Variants in CEP192 observed in about 807,000 individuals in gnomAD.
The protein encoded by CEP192 is centrosomal protein of 192 kDa.
A neutral mutation model predicts 271.8 loss-of-function variants in CEP192; 151 were observed. That is an observed-to-expected ratio of 0.56 (90% confidence interval 0.49 to 0.64). CEP192 has a LOEUF of 0.64. Ranked by LOEUF, CEP192 falls within the 30% of genes least tolerant of loss-of-function variation. CEP192 has a pLI of 0.00. For synonymous variants in CEP192, 995 were observed against 1,076.5 expected (o/e 0.92, Z 1.48); for missense variants, 2,910 against 3,020.5 (o/e 0.96, Z 0.86).
chr18:13,102,935 A>G (rs1307531756), intron 38 of CEP192, among the ~76,000 whole-genome samples: 2 of 152,232 alleles, frequency 1.3e-5, no homozygotes, highest in African/African-American at 4.8e-5. Context: ...GATATGCCCA[A>G]GAGAGGCCCT....
chr18:13,118,178 C>T (rs944665177), intron 44 of CEP192, among the ~76,000 whole-genome samples: 1 of 152,162 alleles, frequency 6.6e-6, no homozygotes, highest in Non-Finnish European at 1.5e-5. Context: ...GGTTGAACCT[C>T]GAACTGGGTT....
intron 12 of CEP192, 123 bp downstream of exon 12, chr18:13,037,424 G>A: frequency 4.1e-6 from 2 of 492,538 alleles, no homozygotes; most frequent in Non-Finnish European, 3.6e-6. Flanking sequence ...TTTTTCTTAT[G>A]GCTAGACAAC....
chr18:13,078,010 C>T (rs780073594), intron 30 of CEP192, among the ~76,000 whole-genome samples: 3 of 152,104 alleles, frequency 2.0e-5, no homozygotes, highest in Non-Finnish European at 4.4e-5. Context: ...CAGGTATACA[C>T]GTGCCATGGT....
At position 13,096,263 on chromosome 18, in the gene CEP192, G is replaced by A. The variant is rs776814644; in HGVS notation, c.6513G>A (p.Ala2171=). 56 of 1,613,904 alleles carry A rather than the reference G, an allele frequency of 3.5e-5. No individual in the cohort carries two copies. The Middle Eastern group carries it at 4.9e-4, about 14-fold the overall frequency. ...RLLRFELCWP[A]HCLTVTPQHG... ...TGAGATTTGAGCTGTGCTGGCCAGC[G>A]CATTGCCTCACAGTCACGCCGCAGC... The change falls in exon 36 of 45, where the codon GCG becomes GCA. Residue 2171 remains alanine (A), a synonymous_variant. Transcript: ENST00000506447.
chr18:13,068,475 A>G, intron 24 of CEP192, 53 bp downstream of exon 24: 1 of 1,318,648 alleles, frequency 7.6e-7, no homozygotes, highest in Non-Finnish European at 1.1e-6. Context: ...TAGATAAACT[A>G]CAAATTTGAG....
At position 13,053,078 on chromosome 18, in the gene CEP192, G is replaced by C. The variant is rs757400070; in HGVS notation, c.3177G>C (p.Leu1059=). Reference sequence around the variant, plus strand: ...CTACCACAGCCACAGATGATGCCCTGGAGGACCGCAAGGTGGGCAGCCACT... The same window carrying C: ...CTACCACAGCCACAGATGATGCCCTCGAGGACCGCAAGGTGGGCAGCCACT... ...SYPTTATDDA[L]EDRKSDITSE... Residue 1059 remains leucine (L), a synonymous_variant, in exon 18 of 45, where the codon CTG becomes CTC. Transcript: ENST00000506447. The C allele has an allele frequency of 3.7e-6, 6 of 1,605,408 alleles. No individual in the cohort carries two copies. The highest frequency in any genetic ancestry group is 5.1e-6 in the Non-Finnish European group (6 of 1,175,772).
At chr18:13,104,848 G>A in intron 39 of CEP192, 136 bp from the exon 40 acceptor site, 1 of 672,634 alleles carries the variant, frequency 1.5e-6, no homozygotes. Flanking sequence ...CTCCCATTTT[G>A]GGAATACCTT....
intron 21 of CEP192, among the ~76,000 whole-genome samples, chr18:13,062,885 C>T (rs538036677): frequency 1.3e-5 from 2 of 152,296 alleles, no homozygotes; most frequent in African/African-American, 4.8e-5. Context: ...CAACCCCTAC[C>T]CTTCTGAGCC....
chr18:13,053,637 C>T (rs924265624), intron 18 of CEP192, among the ~76,000 whole-genome samples: 1 of 152,156 alleles, frequency 6.6e-6, no homozygotes, highest in Admixed American at 6.5e-5. Flanking sequence ...GTTTAAAATA[C>T]GGGAGTTTGA....
rs956764181 is a variant in CEP192 at position 13,089,464 on chromosome 18, TAC to T, written c.6004_6005del (p.His2002Ter). ...AAAATCTCTCCTGGCAGGGCCCTGTTACATAAACCAGAGATGATAAAACAGAT... is the reference window on the plus strand; with the variant it reads ...AAAATCTCTCCTGGCAGGGCCCTGTTATAAACCAGAGATGATAAAACAGAT... On this transcript the variant is annotated frameshift_variant, in exon 33 of 45. Coordinates refer to ENST00000506447, the MANE Select transcript of CEP192 (RefSeq NM_032142.4). LOFTEE classifies it high-confidence loss of function. 79 of 1,559,498 alleles carry T rather than the reference TAC, an allele frequency of 5.1e-5. No homozygotes were observed. The highest frequency in any genetic ancestry group is 6.8e-5 in the Non-Finnish European group (78 of 1,146,728).
At chr18:13,082,432 CTTTT>C (rs57663388) in intron 30 of CEP192, among the ~76,000 whole-genome samples, 32 of 49,940 alleles carry the variant, frequency 6.4e-4, no homozygotes, top group African/African-American at 1.3e-3. Context: ...GCAACCCCTG[CTTTT>C]TTTTTTTTTT....
chr18:13,075,136 C>T (rs755850257), intron 30 of CEP192, among the ~76,000 whole-genome samples: 4 of 152,144 alleles, frequency 2.6e-5, no homozygotes, highest in South Asian at 4.1e-4. Flanking sequence ...GCTCTGCCCT[C>T]GGGAATGGAT....
intron 40 of CEP192, among the ~76,000 whole-genome samples, chr18:13,108,142 A>T (rs1469851267): frequency 6.6e-6 from 1 of 152,198 alleles, no homozygotes; most frequent in Non-Finnish European, 1.5e-5. Context: ...CATGTATAAA[A>T]ATTAACTCAA....
intron 33 of CEP192, among the ~76,000 whole-genome samples, chr18:13,090,803 A>G (rs1249559012): frequency 6.6e-6 from 1 of 152,204 alleles, no homozygotes; most frequent in Non-Finnish European, 1.5e-5. Context: ...AATACGAGAT[A>G]AGCTGAACTG....
intron 11 of CEP192, 55 bp downstream of exon 11, chr18:13,030,663 A>G: frequency 7.1e-7 from 1 of 1,399,618 alleles, no homozygotes; most frequent in Non-Finnish European, 1.0e-6. Flanking sequence ...TGATCTTTCT[A>G]AGATTACTGT....
chr18:13,123,136 T>G (rs1331478899), intron 44 of CEP192, among the ~76,000 whole-genome samples: 1 of 152,212 alleles, frequency 6.6e-6, no homozygotes, highest in East Asian at 1.9e-4. Flanking sequence ...TTTATTATTT[T>G]TACTAATTCA....
In CEP192 at chr18:12,995,913, G is replaced by A. The variant is rs572374800; in HGVS notation, c.-4-3508G>A. ...CTTAGCATGTTTCAGGAACAGCAGG[G>A]AGGTTAGGATGACTGGAATGGAGTG... On this transcript the variant is annotated intron_variant, in intron 1 of 44. Transcript: ENST00000506447. Among the ~76,000 whole-genome samples the A allele has an allele frequency of 2.0e-5, 3 of 152,344 alleles. No homozygotes were observed. In the South Asian group the frequency reaches 6.2e-4, roughly 32 times the overall value.
At chr18:13,110,226 G>T (rs2040147556) in intron 40 of CEP192, among the ~76,000 whole-genome samples, 1 of 152,178 alleles carries the variant, frequency 6.6e-6, no homozygotes, top group Admixed American at 6.5e-5. Context: ...TTGAAAGGCT[G>T]ATTCTGAAAT....
rs118016290 is a variant in CEP192, at chr18:13,072,560, A to G, written c.5349-195A>G. ...AGAGAGATTAAACCAAAAAGCCTCT[A>G]TAAGGTGAGTCTTGAGCCTACAATT... On this transcript the variant is annotated intron_variant, in intron 28 of 44. Coordinates refer to ENST00000506447, the MANE Select transcript of CEP192 (RefSeq NM_032142.4). 3.9e-3 allele frequency among the ~76,000 whole-genome samples: 597 copies of G among 152,374 alleles called. 3 individuals are homozygous for G. The highest frequency in any genetic ancestry group is 7.5e-3 in the Non-Finnish European group (509 of 68,036).
Sources: gnomAD v4.1 joint callset for allele counts (sites outside exome capture counted in the v4.1 genomes callset) on GRCh38, gnomAD v4.1.1 for gene constraint, MANE v1.5 for transcripts, NCBI Gene and HGNC (gene_info 2026-07-23, HGNC 2026-07-21) for gene names.